Variants in WFIKKN2 observed in about 807,000 individuals in gnomAD.
WFIKKN2 encodes WAP, Kazal, immunoglobulin, Kunitz and NTR domain-containing protein 2.
In WFIKKN2, 25 loss-of-function variants were observed where a neutral mutation model predicts 39.2. That is an observed-to-expected ratio of 0.64 (90% CI 0.47 to 0.89). The LOEUF (loss-of-function observed/expected upper bound fraction) is 0.89. Among genes scored for constraint, WFIKKN2 ranks in the 40% least tolerant of loss-of-function variants. WFIKKN2 has a pLI of 0.00. For missense variants in WFIKKN2, 770 were observed against 811.7 expected (o/e 0.95, Z 0.62); for synonymous variants, 345 against 329.7 (o/e 1.05, Z -0.50).
intron 1 of WFIKKN2, among the ~76,000 whole-genome samples, chr17:50,838,766 G>A (rs1227237417): frequency 2.6e-5 from 4 of 152,180 alleles, no homozygotes; most frequent in African/African-American, 7.2e-5. Flanking sequence ...TGTGGGGCCC[G>A]TCACGCCTGC....
At position 50,836,094 on chromosome 17, in the gene WFIKKN2, A is replaced by C; in HGVS notation, c.157A>C (p.Asn53His). 1 of 1,612,680 alleles carries C rather than the reference A, an allele frequency of 6.2e-7. No homozygotes were observed. The highest frequency in any genetic ancestry group is 8.5e-7 in the Non-Finnish European group (1 of 1,179,468). Residue 53 changes from asparagine to histidine, a missense_variant, in exon 1 of 2, where the codon AAC (asparagine) becomes CAC (histidine). By Grantham distance (68) the Asn-to-His change is moderately conservative. Transcript: ENST00000311378. ...AGICPNDMNP[N>H]LWVDAQSTCR... ...CATCTGCCCCAACGACATGAATCCC[A>C]ACCTCTGGGTGGACGCACAGAGCAC...
In WFIKKN2 at chr17:50,839,804, T is replaced by C. The variant is rs1480447254; in HGVS notation, c.516T>C (p.Val172=). 3 of 1,614,188 alleles carry C rather than the reference T, an allele frequency of 1.9e-6. No individual in the cohort carries two copies. Among genetic ancestry groups the C allele is most frequent in the Non-Finnish European group, 1.7e-6 (2 of 1,180,036 alleles). The change falls in exon 2 of 2, where the codon GTT becomes GTC. Residue 172 remains valine, a synonymous_variant. Coordinates refer to ENST00000311378, the MANE Select transcript of WFIKKN2 (RefSeq NM_175575.6). ...GCTCCAAAGGCATCACACTGGCCGT[T>C]GTAACCTGCCGCTATCACTTCACCT... is the stretch of plus-strand genomic sequence containing the variant. ...EACSKGITLA[V]VTCRYHFTWP... is the part of the protein sequence containing the mutation.
Position 50,840,895 on chromosome 17 carries a change from G to A in WFIKKN2, c.1607G>A (p.Gly536Asp), listed in dbSNP as rs1279442864. The A allele has an allele frequency of 6.2e-7, 1 of 1,608,930 alleles. No homozygotes were observed. Among genetic ancestry groups the A allele is most frequent in the Non-Finnish European group, 8.5e-7 (1 of 1,176,270 alleles). Residue 536 changes from glycine (G) to aspartate (D), a missense_variant, in exon 2 of 2, where the codon GGC (glycine) becomes GAC (aspartate). Gly to Asp is a moderately conservative substitution (Grantham distance 94). Transcript: ENST00000311378. ...PLIIMGEVDG[G>D]MAMLRPDSFV... Reference sequence around the variant, plus strand: ...ATCATCATGGGGGAGGTGGACGGCGGCATGGCCATGCTGCGCCCCGATAGC... The same window carrying A: ...ATCATCATGGGGGAGGTGGACGGCGACATGGCCATGCTGCGCCCCGATAGC...
Position 50,840,223 on chromosome 17 carries a change from C to A in WFIKKN2, c.935C>A (p.Ala312Asp). The A allele has an allele frequency of 6.2e-7, 1 of 1,613,938 alleles. No homozygotes were observed. The highest frequency in any genetic ancestry group is 1.3e-5 in the African/African-American group (1 of 75,060). Residue 312 changes from alanine to aspartate, a missense_variant, in exon 2 of 2, where the codon GCC becomes GAC. Transcript: ENST00000311378. ...LSVVRGHQAA[A>D]TSESSPNGTA... is the part of the protein sequence containing the mutation. The stretch of plus-strand genomic sequence containing the variant: ...GTGGTCAGGGGTCATCAGGCTGCAG[C>A]CACCTCAGAGAGCAGCCCCAATGGC...
Position 50,840,054 on chromosome 17 carries a change from C to A in WFIKKN2, c.766C>A (p.Arg256=), listed in dbSNP as rs200820844. The A allele has an allele frequency of 1.2e-6, 2 of 1,614,228 alleles. No homozygotes were observed. Among genetic ancestry groups the A allele is most frequent in the South Asian group, 1.1e-5 (1 of 91,084 alleles). The change falls in exon 2 of 2, where the codon CGG becomes AGG. Residue 256 remains arginine, a synonymous_variant. Coordinates refer to ENST00000311378, the MANE Select transcript of WFIKKN2 (RefSeq NM_175575.6). The stretch of plus-strand genomic sequence containing the variant: ...GGAGGATCGGGAGAATGTGGTCATG[C>A]GGCCCAACCATGTGCGTGGCAACGT... ...QLEDRENVVM[R]PNHVRGNVVV... is the part of the protein sequence containing the mutation.
chr17:50,837,008 G>A (rs1308311797), intron 1 of WFIKKN2, among the ~76,000 whole-genome samples: 1 of 152,210 alleles, frequency 6.6e-6, no homozygotes, highest in African/African-American at 2.4e-5. Context: ...AGTTCATCAG[G>A]GACTGGAGCC....
At chr17:50,836,871 C>G (rs1198907431) in intron 1 of WFIKKN2, among the ~76,000 whole-genome samples, 1 of 152,156 alleles carries the variant, frequency 6.6e-6, no homozygotes, top group Non-Finnish European at 1.5e-5. Flanking sequence ...GGGTGGGGAC[C>G]ATGCAGGAGT....
intron 1 of WFIKKN2, among the ~76,000 whole-genome samples, chr17:50,838,448 A>G (rs1057200184): frequency 1.3e-5 from 2 of 152,202 alleles, no homozygotes; most frequent in Non-Finnish European, 2.9e-5. Context: ...CAGAGTTACT[A>G]CCTGGTGGAG....
Position 50,835,990 on chromosome 17 carries a change from C to CGCTGCTGCT in WFIKKN2, c.63_71dup (p.Leu24_Leu26dup). Reference sequence around the variant, plus strand: ...TGGTCTCGCTGGGAGCAGGTGGCAGCGCTGCTGCTGCTGCTGCTACTGCTC... The same window carrying CGCTGCTGCT: ...TGGTCTCGCTGGGAGCAGGTGGCAGCGCTGCTGCTGCTGCTGCTGCTGCTGCTACTGCTC... On this transcript the variant is annotated inframe_insertion, in exon 1 of 2. Coordinates refer to ENST00000311378, the MANE Select transcript of WFIKKN2 (RefSeq NM_175575.6). 1.2e-6 allele frequency: 2 copies of CGCTGCTGCT among 1,607,038 alleles called. No individual in the cohort carries two copies. Among genetic ancestry groups the CGCTGCTGCT allele is most frequent in the Non-Finnish European group, 1.7e-6 (2 of 1,177,308 alleles).
chr17:50,839,447 C>A (rs540222107), intron 1 of WFIKKN2, 52 bp from the exon 2 acceptor site: 1 of 1,521,946 alleles, frequency 6.6e-7, no homozygotes. Flanking sequence ...GGATAGGGAG[C>A]CCCTCCTTTC....
Position 50,841,329 on chromosome 17 carries a change from C to A in WFIKKN2, c.*310C>A, listed in dbSNP as rs1429045207. ...TCACTGGCCCCACACCCCTGGCTCT[C>A]CCAGTCACCCTCCCCTAGCCAGTCT... On this transcript the variant is annotated 3_prime_UTR_variant, in exon 2 of 2. Coordinates refer to ENST00000311378, the MANE Select transcript of WFIKKN2 (RefSeq NM_175575.6). 1 of 255,500 alleles carries A rather than the reference C, an allele frequency of 3.9e-6. No homozygotes were observed. Among genetic ancestry groups the A allele is most frequent in the Admixed American group, 4.8e-5 (1 of 20,732 alleles). The allele number at this position is 255,500 out of a possible 1,614,324, so 15.8% of individuals were successfully genotyped here. A position where few individuals can be genotyped will look rare whatever the true frequency, so the allele number is the denominator to read the frequency against.
At position 50,839,606 on chromosome 17, in the gene WFIKKN2, C is replaced by T. The variant is rs1972004376; in HGVS notation, c.318C>T (p.Pro106=). Residue 106 remains proline, a synonymous_variant, in exon 2 of 2, where the codon CCC becomes CCT. Transcript: ENST00000311378. ...GGAAGAAGGGCCCAGTGGGCATGCC[C>T]AAGGAGGCCACATGTGACCACTTCA... ...VKGKKGPVGM[P]KEATCDHFMC... 5.6e-6 allele frequency: 9 copies of T among 1,614,190 alleles called. No individual in the cohort carries two copies. The highest frequency in any genetic ancestry group is 1.3e-5 in the African/African-American group (1 of 75,056).
intron 1 of WFIKKN2, among the ~76,000 whole-genome samples, chr17:50,836,998 A>G (rs1971968486): frequency 6.6e-6 from 1 of 152,214 alleles, no homozygotes; most frequent in Non-Finnish European, 1.5e-5. Flanking sequence ...GCGATGTCCC[A>G]GTTCATCAGG....
chr17:50,835,909 G>A lies in WFIKKN2; in HGVS notation c.-29G>A, dbSNP rs1462207687. Reference sequence around the variant, plus strand: ...CCCCAGACCCTGGCATCGTTTCAGGGGAGGTCTCTAGCCGCCCCAGCCTGC... The same window carrying A: ...CCCCAGACCCTGGCATCGTTTCAGGAGAGGTCTCTAGCCGCCCCAGCCTGC... On this transcript the variant is annotated 5_prime_UTR_variant, in exon 1 of 2. Coordinates refer to ENST00000311378, the MANE Select transcript of WFIKKN2 (RefSeq NM_175575.6). 6.3e-7 allele frequency: 1 copy of A among 1,599,936 alleles called. No individual in the cohort carries two copies. Among genetic ancestry groups the A allele is most frequent in the Admixed American group, 1.7e-5 (1 of 58,842 alleles).
rs764230467 is a variant in WFIKKN2, at chr17:50,840,151, C to T, written c.863C>T (p.Thr288Met). 1.4e-5 allele frequency: 22 copies of T among 1,613,870 alleles called. No individual in the cohort carries two copies. Among genetic ancestry groups the T allele is most frequent in the Middle Eastern group, 1.6e-4 (1 of 6,084 alleles). Residue 288 changes from threonine (T) to methionine (M), a missense_variant, in exon 2 of 2, where the codon ACG (threonine) becomes ATG (methionine). By Grantham distance (81) the Thr-to-Met change is moderately conservative. Coordinates refer to ENST00000311378, the MANE Select transcript of WFIKKN2 (RefSeq NM_175575.6). Reference sequence around the variant, plus strand: ...CAGGATGCTGGGATCTACACCTGCACGGCCCGGAACGTGGCTGGGGTCCTG... The same window carrying T: ...CAGGATGCTGGGATCTACACCTGCATGGCCCGGAACGTGGCTGGGGTCCTG... Reference protein sequence around the residue: ...QLQDAGIYTCTARNVAGVLRA... With the variant: ...QLQDAGIYTCMARNVAGVLRA...
intron 1 of WFIKKN2, among the ~76,000 whole-genome samples, chr17:50,839,137 T>C (rs1971996615): frequency 8.4e-6 from 1 of 119,374 alleles, no homozygotes; most frequent in African/African-American, 2.5e-5. Flanking sequence ...TGTAAAATGG[T>C]TGTAGGAAAA....
At position 50,839,709 on chromosome 17, in the gene WFIKKN2, G is replaced by A. The variant is rs1244344687; in HGVS notation, c.421G>A (p.Glu141Lys). ...TAAGTGCAAAGACCGCTGTGAGAAGGAGCCCAGCTTTACCTGCGCCTCGGA... is the reference window on the plus strand; with the variant it reads ...TAAGTGCAAAGACCGCTGTGAGAAGAAGCCCAGCTTTACCTGCGCCTCGGA... The part of the protein sequence containing the change: ...VCKCKDRCEK[E>K]PSFTCASDGL... Residue 141 changes from glutamate (E) to lysine (K), a missense_variant, in exon 2 of 2, where the codon GAG becomes AAG. Transcript: ENST00000311378. 3.7e-6 allele frequency: 6 copies of A among 1,614,216 alleles called. No homozygotes were observed. In the South Asian group the frequency reaches 5.5e-5, roughly 15 times the overall value.
rs754876264 is a variant in WFIKKN2 at position 50,840,449 on chromosome 17, C to A, written c.1161C>A (p.Ser387Arg). Residue 387 changes from serine to arginine, a missense_variant, in exon 2 of 2, where the codon AGC becomes AGA. Physicochemically the swap from Ser to Arg is moderately radical, Grantham distance 110. Transcript: ENST00000311378. ...ACMSGPLAACSLPALQGPCKA... is the reference protein window; with the variant it reads ...ACMSGPLAACRLPALQGPCKA... ...TGAGCGGGCCGCTGGCCGCGTGCAG[C>A]CTGCCCGCCCTGCAGGGGCCCTGCA... 6.8e-6 allele frequency: 11 copies of A among 1,613,778 alleles called. No homozygotes were observed. Among genetic ancestry groups the A allele is most frequent in the East Asian group, 2.2e-5 (1 of 44,878 alleles).
In WFIKKN2 at chr17:50,835,669, G is replaced by A. The variant is rs1356488096; in HGVS notation, c.-269G>A. 6.4e-6 allele frequency: 3 copies of A among 469,884 alleles called. No homozygotes were observed. The highest frequency in any genetic ancestry group is 5.2e-4 in the Middle Eastern group (1 of 1,908). The allele number at this position is 469,884 out of a possible 1,614,324, so 29.1% of individuals were successfully genotyped here. On this transcript the variant is annotated 5_prime_UTR_variant, in exon 1 of 2. Coordinates refer to ENST00000311378, the MANE Select transcript of WFIKKN2 (RefSeq NM_175575.6). ...GCGCGCCCAGGATATAAATCCGGGC[G>A]CGGGCCCCTGCTGTGGCTCCTCTCC...
Sources: allele counts gnomAD v4.1 joint callset (sites outside exome capture counted in the v4.1 genomes callset), GRCh38; gene constraint gnomAD v4.1.1; transcripts MANE v1.5; gene names NCBI Gene and HGNC (gene_info 2026-07-23, HGNC 2026-07-21).